The following RAP1GDS1 variants were observed in gnomAD, a reference collection of about 807,000 sequenced individuals.
The protein encoded by RAP1GDS1 is Rap1 GTPase-GDP dissociation stimulator 1.
Under a neutral mutation model 71.1 loss-of-function variants are expected in RAP1GDS1, and 35 were observed. The ratio of observed to expected loss-of-function variants is 0.49; its 90% CI spans 0.38 to 0.65. The LOEUF is 0.65. Among genes scored for constraint, RAP1GDS1 ranks in the 30% least tolerant of loss-of-function variants. RAP1GDS1 has a pLI of 0.00. For missense variants in RAP1GDS1, 663 were observed against 706.1 expected (o/e 0.94, Z 0.69); for synonymous variants, 229 against 243.1 (o/e 0.94, Z 0.54).
At chr4:98,312,407 G>C (rs1361922716) in intron 2 of RAP1GDS1, among the ~76,000 whole-genome samples, 1 of 152,016 alleles carries the variant, frequency 6.6e-6, no homozygotes, top group African/African-American at 2.4e-5. Context: ...CCTATTTCTA[G>C]CTCCTAGATA....
intron 6 of RAP1GDS1, among the ~76,000 whole-genome samples, chr4:98,394,408 T>C (rs1198922891): frequency 6.6e-6 from 1 of 152,148 alleles, no homozygotes; most frequent in Non-Finnish European, 1.5e-5. Context: ...AGGGTGGGCT[T>C]TGAGTTTAGT....
chr4:98,326,727 A>G (rs902034641), intron 2 of RAP1GDS1, among the ~76,000 whole-genome samples: 1 of 152,164 alleles, frequency 6.6e-6, no homozygotes, highest in South Asian at 2.1e-4. Context: ...TTAGAGTGAG[A>G]TGACCCTCAG....
chr4:98,301,707 C>T (rs1728613077), intron 2 of RAP1GDS1, among the ~76,000 whole-genome samples: 1 of 152,040 alleles, frequency 6.6e-6, no homozygotes, highest in Admixed American at 6.6e-5. Flanking sequence ...GAAAAAAATT[C>T]CTACCCTAGT....
intron 1 of RAP1GDS1, among the ~76,000 whole-genome samples, chr4:98,278,051 T>C (rs1388511648): frequency 1.3e-5 from 2 of 152,158 alleles, no homozygotes; most frequent in Admixed American, 1.3e-4. Flanking sequence ...ACACGGCTAC[T>C]AAAAGTACAA....
chr4:98,300,952 T>G (rs1364093048), intron 2 of RAP1GDS1, among the ~76,000 whole-genome samples: 1 of 152,192 alleles, frequency 6.6e-6, no homozygotes, highest in Non-Finnish European at 1.5e-5. Context: ...TGAACAGACT[T>G]ACTTTCAGGT....
chr4:98,408,852 T>A (rs7665312), intron 7 of RAP1GDS1, among the ~76,000 whole-genome samples: 286 of 152,250 alleles, frequency 1.9e-3, no homozygotes, highest in African/African-American at 6.7e-3. Flanking sequence ...TCATTATTTT[T>A]AAAAACTTAG....
chr4:98,382,655 G>A (rs1229965337), intron 5 of RAP1GDS1, among the ~76,000 whole-genome samples: 1 of 151,534 alleles, frequency 6.6e-6, no homozygotes, highest in Admixed American at 6.6e-5. Flanking sequence ...TGAAAATTTT[G>A]TTCAGTCATC....
intron 6 of RAP1GDS1, among the ~76,000 whole-genome samples, chr4:98,398,507 T>C (rs928482180): frequency 6.6e-6 from 1 of 152,150 alleles, no homozygotes; most frequent in African/African-American, 2.4e-5. Context: ...CAAAAGATCA[T>C]GAGTCCGTGG....
At chr4:98,341,715 A>T (rs1252418799) in intron 2 of RAP1GDS1, among the ~76,000 whole-genome samples, 2 of 141,412 alleles carry the variant, frequency 1.4e-5, no homozygotes, top group African/African-American at 5.4e-5. Context: ...CTTTTTGCTT[A>T]AAAAAAAAAA....
intron 1 of RAP1GDS1, among the ~76,000 whole-genome samples, chr4:98,289,425 A>G (rs891020587): frequency 6.6e-6 from 1 of 152,036 alleles, no homozygotes; most frequent in Non-Finnish European, 1.5e-5. Context: ...GTGAAAATGA[A>G]AGTGTGCTTG....
chr4:98,328,674 C>CTGTATAACTTTCTCTGT (rs1733505957), intron 2 of RAP1GDS1, among the ~76,000 whole-genome samples: 5 of 152,148 alleles, frequency 3.3e-5, no homozygotes, highest in Non-Finnish European at 7.4e-5. Flanking sequence ...TCTGTATAGT[C>CTGTATAACTTTCTCTGT]ATCGTGATTT....
chr4:98,432,763 T>C (rs10025306), intron 12 of RAP1GDS1, among the ~76,000 whole-genome samples: 1 of 152,034 alleles, frequency 6.6e-6, no homozygotes, highest in Non-Finnish European at 1.5e-5. Flanking sequence ...ATTAAAAATA[T>C]TGAAAATAGA....
At chr4:98,277,091 A>G (rs1362609482) in intron 1 of RAP1GDS1, among the ~76,000 whole-genome samples, 1 of 152,110 alleles carries the variant, frequency 6.6e-6, no homozygotes, top group Non-Finnish European at 1.5e-5. Flanking sequence ...ACTAGCTCCA[A>G]TTTGTTACTG....
intron 2 of RAP1GDS1, among the ~76,000 whole-genome samples, chr4:98,308,081 TGAG>T (rs1729602706): frequency 6.6e-6 from 1 of 151,550 alleles, no homozygotes; most frequent in South Asian, 2.1e-4. Context: ...TTGCTTGAAG[TGAG>T]GAGTTTGAGA....
intron 4 of RAP1GDS1, among the ~76,000 whole-genome samples, chr4:98,357,309 ATCAG>A (rs1020199440): frequency 3.3e-5 from 5 of 152,100 alleles, no homozygotes; most frequent in Admixed American, 6.5e-5. Context: ...AAATAGAATT[ATCAG>A]TCAGTAAGTA....
intron 12 of RAP1GDS1, among the ~76,000 whole-genome samples, chr4:98,431,494 A>G (rs1378609713): frequency 6.6e-6 from 1 of 152,238 alleles, no homozygotes; most frequent in Non-Finnish European, 1.5e-5. Flanking sequence ...ACCAAAATTT[A>G]GCTTTCTATA....
intron 4 of RAP1GDS1, among the ~76,000 whole-genome samples, chr4:98,363,356 T>C (rs1739023987): frequency 6.6e-6 from 1 of 151,330 alleles, no homozygotes; most frequent in Non-Finnish European, 1.5e-5. Context: ...TGGTGGCACG[T>C]GTCTGTAATC....
At chr4:98,439,859 T>A (rs1178015027) in intron 14 of RAP1GDS1, among the ~76,000 whole-genome samples, 1 of 152,224 alleles carries the variant, frequency 6.6e-6, no homozygotes. Flanking sequence ...TTTACTGTTT[T>A]AACCATTTTT....
intron 2 of RAP1GDS1, among the ~76,000 whole-genome samples, chr4:98,324,982 G>A (rs1732722539): frequency 6.6e-6 from 1 of 150,620 alleles, no homozygotes; most frequent in Non-Finnish European, 1.5e-5. Context: ...GAGTGAACAG[G>A]CAACCTACAA....
Sources: gnomAD v4.1 joint callset for allele counts (sites outside exome capture counted in the v4.1 genomes callset) on GRCh38, gnomAD v4.1.1 for gene constraint, MANE v1.5 for transcripts, NCBI Gene and HGNC (gene_info 2026-07-23, HGNC 2026-07-21) for gene names.